The following TANC1 variants were observed in gnomAD, a reference collection of about 807,000 sequenced individuals.
TANC1 encodes the protein protein TANC1.
TANC1 carries 77 observed loss-of-function variants against 149.7 expected under a neutral mutation model. That is an observed-to-expected ratio of 0.51 (90% CI 0.43 to 0.62). The LOEUF (loss-of-function observed/expected upper bound fraction) is 0.62. Ranked by LOEUF, TANC1 falls within the 20% of genes least tolerant of loss-of-function variation. The pLI, the probability that TANC1 is intolerant of heterozygous loss-of-function variation, is 0.00. For synonymous variants in TANC1, 854 were observed against 925.0 expected, an observed-to-expected ratio of 0.92 and a Z score of 1.39; for missense variants, 1,985 against 2,321.8, an observed-to-expected ratio of 0.85 and a Z score of 2.98.
intron 19 of TANC1, among the ~76,000 whole-genome samples, chr2:159,212,869 G>A (rs1316144695): frequency 2.7e-5 from 4 of 149,256 alleles, no homozygotes; most frequent in Non-Finnish European, 4.4e-5. Context: ...GCAGTGAGCC[G>A]AGATTGTGCT....
chr2:159,122,608 T>A (rs2048970515), intron 4 of TANC1, among the ~76,000 whole-genome samples: 1 of 152,218 alleles, frequency 6.6e-6, no homozygotes. Flanking sequence ...ACCCAACTCC[T>A]GACAACCCCT....
intron 13 of TANC1, among the ~76,000 whole-genome samples, chr2:159,178,204 A>G (rs2056087225): frequency 6.6e-6 from 1 of 152,190 alleles, no homozygotes; most frequent in African/African-American, 2.4e-5. Context: ...AAGCAGTTTC[A>G]CAGTGTAAGG....
rs34780271 is a variant in TANC1 at position 158,992,364 on chromosome 2, C to CAA, written c.-125-8703_-125-8702dup. ...TGGGCTACAGACTGATACCCTGTCT[C>CAA]AAAAAAAAAAAAAAGAAAGTGTTTA... On this transcript the variant is annotated intron_variant, in intron 1 of 26. Transcript: ENST00000263635. Among the ~76,000 whole-genome samples the CAA allele has an allele frequency of 4.1e-4, 54 of 132,372 alleles. 1 individual carries two copies. The Middle Eastern group carries it at 0.012, about 28-fold the overall frequency. The allele number at this position is 132,372 out of a possible 152,430, so 86.8% of individuals were successfully genotyped here.
intron 2 of TANC1, among the ~76,000 whole-genome samples, chr2:159,045,917 CA>C (rs1336393463): frequency 2.0e-5 from 3 of 152,084 alleles, no homozygotes; most frequent in African/African-American, 7.2e-5. Context: ...TAAATTCAAC[CA>C]GAGTTTAGGC....
chr2:158,997,006 C>T (rs2036195846), intron 1 of TANC1, among the ~76,000 whole-genome samples: 1 of 151,598 alleles, frequency 6.6e-6, no homozygotes, highest in Non-Finnish European at 1.5e-5. Flanking sequence ...AATCTACCTG[C>T]TTTACAGACT....
intron 2 of TANC1, among the ~76,000 whole-genome samples, chr2:159,048,561 A>G (rs959296487): frequency 1.3e-5 from 2 of 152,226 alleles, no homozygotes; most frequent in African/African-American, 4.8e-5. Flanking sequence ...GCTGGCTTAC[A>G]TGAGCCCTCT....
intron 19 of TANC1, among the ~76,000 whole-genome samples, chr2:159,205,291 T>G (rs1314479637): frequency 6.6e-6 from 1 of 152,176 alleles, no homozygotes. Context: ...CTAATTACTG[T>G]TGGTGTAAAA....
chr2:159,218,993 G>A (rs2059519653), intron 20 of TANC1, among the ~76,000 whole-genome samples: 1 of 152,066 alleles, frequency 6.6e-6, no homozygotes, highest in Admixed American at 6.6e-5. Flanking sequence ...ATTTCTCTCT[G>A]GTATGTGTAT....
chr2:159,229,137 G>A (rs975138333), intron 26 of TANC1, among the ~76,000 whole-genome samples: 3 of 151,698 alleles, frequency 2.0e-5, no homozygotes, highest in South Asian at 2.1e-4. Flanking sequence ...CTCCCCCCAC[G>A]TGAAACTTAC....
At chr2:159,101,317 C>T (rs1398283239) in intron 4 of TANC1, among the ~76,000 whole-genome samples, 1 of 152,186 alleles carries the variant, frequency 6.6e-6, no homozygotes, top group African/African-American at 2.4e-5. Flanking sequence ...CTCTGAACAA[C>T]ACAGCCTGTA....
At chr2:159,041,387 G>A (rs1021126875) in intron 2 of TANC1, among the ~76,000 whole-genome samples, 1 of 152,218 alleles carries the variant, frequency 6.6e-6, no homozygotes, top group Non-Finnish European at 1.5e-5. Flanking sequence ...CCTTCCCCCA[G>A]AGGAGGAGTC....
In TANC1 at chr2:159,099,450, C is replaced by G. The variant is rs546350070; in HGVS notation, c.259+1616C>G. ...CAGTGTTTTACTTTTTCTTTATTAT[C>G]AGGTACGTCATTTGTCCTTTTCCCC... On this transcript the variant is annotated intron_variant, in intron 4 of 26. Transcript: ENST00000263635. Among the ~76,000 whole-genome samples, 3 of 151,764 alleles carry G rather than the reference C, an allele frequency of 2.0e-5. 1 individual carries two copies. Among genetic ancestry groups the G allele is most frequent in the Admixed American group, 2.0e-4 (3 of 15,242 alleles).
At chr2:159,071,974 T>G (rs1431414002) in intron 3 of TANC1, among the ~76,000 whole-genome samples, 1 of 152,296 alleles carries the variant, frequency 6.6e-6, no homozygotes, top group African/African-American at 2.4e-5. Context: ...CTTCTGTGTT[T>G]TTTTGTTTTG....
In TANC1 at chr2:158,973,577, C is replaced by T. The variant is rs543658164; in HGVS notation, c.-126+4795C>T. Among the ~76,000 whole-genome samples, 6 of 152,292 alleles carry T rather than the reference C, an allele frequency of 3.9e-5. No homozygotes were observed. In the East Asian group the frequency reaches 5.8e-4, roughly 15 times the overall value. ...ATTTGGGAAAGCCCTGGAGGGAACC[C>T]GAATTGGCTTGATGCCAGCCAAAGG... On this transcript the variant is annotated intron_variant, in intron 1 of 26. Transcript: ENST00000263635.
chr2:159,137,598 G>C (rs1559329696), intron 5 of TANC1, among the ~76,000 whole-genome samples: 1 of 152,318 alleles, frequency 6.6e-6, no homozygotes, highest in East Asian at 1.9e-4. Flanking sequence ...CCAACTGCTG[G>C]TACATGAGGC....
intron 7 of TANC1, among the ~76,000 whole-genome samples, chr2:159,151,864 A>C (rs1465556089): frequency 6.6e-6 from 1 of 152,190 alleles, no homozygotes; most frequent in Middle Eastern, 3.2e-3. Flanking sequence ...ATACCATAGT[A>C]TTCACTCATT....
intron 26 of TANC1, among the ~76,000 whole-genome samples, 182 bp downstream of exon 26, chr2:159,229,078 G>A (rs1242199165): frequency 6.6e-6 from 1 of 152,108 alleles, no homozygotes; most frequent in Non-Finnish European, 1.5e-5. Flanking sequence ...TCAGTGATGA[G>A]TAAACTTCTA....
chr2:159,219,566 T>A (rs2303335), intron 21 of TANC1, 126 bp from the exon 22 acceptor site: 614,315 of 1,328,666 alleles, frequency 0.46, 158,115 homozygotes, highest in Non-Finnish European at 0.55. Flanking sequence ...ATCCGGCCAG[T>A]GTCACCCTTC....
chr2:159,119,736 C>T (rs538209112), intron 4 of TANC1, among the ~76,000 whole-genome samples: 2 of 152,112 alleles, frequency 1.3e-5, no homozygotes, highest in African/African-American at 2.4e-5. Context: ...AGGTGAGCTG[C>T]GGTCGTGGCT....
Sources: gnomAD v4.1 joint callset for allele counts (sites outside exome capture counted in the v4.1 genomes callset) on GRCh38, gnomAD v4.1.1 for gene constraint, MANE v1.5 for transcripts, NCBI Gene and HGNC (gene_info 2026-07-23, HGNC 2026-07-21) for gene names.